The following FGF12 variants were observed in gnomAD, a reference collection of about 807,000 sequenced individuals.
FGF12 encodes fibroblast growth factor 12B.
Under a neutral mutation model 23.6 loss-of-function variants are expected in FGF12, and 14 were observed. That is an observed-to-expected ratio of 0.59 (90% confidence interval 0.39 to 0.93). FGF12 has a LOEUF of 0.93. Among genes scored for constraint, FGF12 ranks in the 40% least tolerant of loss-of-function variants. The probability of loss-of-function intolerance (pLI) is 0.00; values close to 1 mark genes in which losing one functional copy is unlikely to be tolerated. For synonymous variants in FGF12, 62 were observed against 77.3 expected, an observed-to-expected ratio of 0.80 and a Z score of 1.04; for missense variants, 175 against 217.8, an observed-to-expected ratio of 0.80 and a Z score of 1.24.
At chr3:192,305,537 A>C (rs1715577599) in intron 4 of FGF12, among the ~76,000 whole-genome samples, 1 of 151,818 alleles carries the variant, frequency 6.6e-6, no homozygotes, top group African/African-American at 2.4e-5. Context: ...TTCCAGACAC[A>C]CACCTCAGCC....
chr3:192,402,857 C>T (rs1720818548), intron 2 of FGF12, among the ~76,000 whole-genome samples: 2 of 152,296 alleles, frequency 1.3e-5, no homozygotes, highest in Admixed American at 6.5e-5. Context: ...CTTGGAATCA[C>T]AGCCCTTTAG....
intron 5 of FGF12, among the ~76,000 whole-genome samples, chr3:192,168,472 A>C (rs531903926): frequency 6.6e-6 from 1 of 152,292 alleles, no homozygotes; most frequent in South Asian, 2.1e-4. Context: ...GGTAAGTTTA[A>C]ATATTAGCTT....
chr3:192,400,376 T>TC (rs572500900), intron 2 of FGF12, among the ~76,000 whole-genome samples: 342 of 150,186 alleles, frequency 2.3e-3, no homozygotes, highest in African/African-American at 8.2e-3. Context: ...TTTCTTTTTT[T>TC]TTTTTTTTTT....
At chr3:192,624,799 C>A (rs184961090) in intron 2 of FGF12, among the ~76,000 whole-genome samples, 257 of 152,100 alleles carry the variant, frequency 1.7e-3, no homozygotes, top group Non-Finnish European at 1.3e-3. Flanking sequence ...AGTTTAAAAA[C>A]CGAAAGTGTA....
At chr3:192,289,167 G>T (rs1280308844) in intron 4 of FGF12, among the ~76,000 whole-genome samples, 1 of 152,140 alleles carries the variant, frequency 6.6e-6, no homozygotes, top group African/African-American at 2.4e-5. Flanking sequence ...AAATAGCTGA[G>T]CATCTTTCAT....
At chr3:192,234,625 C>T (rs752015692) in intron 4 of FGF12, among the ~76,000 whole-genome samples, 27 of 152,038 alleles carry the variant, frequency 1.8e-4, no homozygotes, top group Admixed American at 1.6e-3. Context: ...AGTTGTCAGG[C>T]GGAATGCTTC....
intron 2 of FGF12, among the ~76,000 whole-genome samples, chr3:192,538,906 C>G (rs757434358): frequency 1.3e-5 from 2 of 152,098 alleles, no homozygotes; most frequent in East Asian, 1.9e-4. Flanking sequence ...GTAGTTATTG[C>G]AAACGGGATT....
chr3:192,635,948 T>C (rs1715567054), intron 2 of FGF12, among the ~76,000 whole-genome samples: 1 of 152,156 alleles, frequency 6.6e-6, no homozygotes, highest in South Asian at 2.1e-4. Flanking sequence ...ATATGTTGTC[T>C]CAAGCACCTC....
At chr3:192,286,430 C>G (rs1254247794) in intron 4 of FGF12, among the ~76,000 whole-genome samples, 2 of 152,026 alleles carry the variant, frequency 1.3e-5, no homozygotes, top group South Asian at 2.1e-4. Context: ...GAATTTAAAG[C>G]AGCCAGAAAT....
At chr3:192,232,547 T>TTTATTTATTTATTTG (rs1719078834) in intron 4 of FGF12, among the ~76,000 whole-genome samples, 1 of 86,108 alleles carries the variant, frequency 1.2e-5, no homozygotes, top group South Asian at 5.2e-4. Flanking sequence ...TTATTTATTT[T>TTTATTTATTTATTTG]TCTTTTCCAC....
intron 2 of FGF12, among the ~76,000 whole-genome samples, chr3:192,698,863 G>C (rs74423230): frequency 0.014 from 2,084 of 152,284 alleles, 50 homozygotes; most frequent in African/African-American, 0.048. Context: ...AAATACCAGT[G>C]AGAAGACCTT....
intron 2 of FGF12, among the ~76,000 whole-genome samples, chr3:192,614,348 T>A (rs1489371084): frequency 6.6e-6 from 1 of 151,958 alleles, no homozygotes; most frequent in Non-Finnish European, 1.5e-5. Flanking sequence ...GTGAAGAGAA[T>A]AAAATTAGAG....
At chr3:192,198,801 A>G (rs1186302292) in intron 4 of FGF12, among the ~76,000 whole-genome samples, 1 of 152,232 alleles carries the variant, frequency 6.6e-6, no homozygotes, top group Non-Finnish European at 1.5e-5. Flanking sequence ...TCAACATGCT[A>G]GTGTCCACCA....
At chr3:192,438,006 G>A (rs115770446) in intron 2 of FGF12, among the ~76,000 whole-genome samples, 2,177 of 152,266 alleles carry the variant, frequency 0.014, 63 homozygotes, top group African/African-American at 0.05. Flanking sequence ...TTTCTATAGT[G>A]ATGAATCCAA....
chr3:192,249,520 T>A (rs9825263), intron 4 of FGF12, among the ~76,000 whole-genome samples: 63,550 of 151,894 alleles, frequency 0.42, 14,179 homozygotes, highest in East Asian at 0.94. Context: ...TGCAATATGG[T>A]GGCCTTAGGA....
intron 4 of FGF12, among the ~76,000 whole-genome samples, chr3:192,257,898 T>A (rs888130919): frequency 2.0e-5 from 3 of 151,994 alleles, no homozygotes; most frequent in African/African-American, 7.3e-5. Context: ...AGGGCTTGAC[T>A]TCTGAGAGGG....
At chr3:192,291,132 A>G (rs1714734641) in intron 4 of FGF12, among the ~76,000 whole-genome samples, 1 of 152,146 alleles carries the variant, frequency 6.6e-6, no homozygotes. Context: ...TTTTCTTATT[A>G]TCTTCTGGTG....
chr3:192,640,792 TTTTTTTG>T lies in FGF12; in HGVS notation c.13+86382_13+86388del, dbSNP rs1466241659. Among the ~76,000 whole-genome samples, 20 of 102,628 alleles carry T rather than the reference TTTTTTTG, an allele frequency of 1.9e-4. 1 individual carries two copies. Among genetic ancestry groups the T allele is most frequent in the South Asian group, 7.3e-4 (2 of 2,728 alleles). The allele number at this position is 102,628 out of a possible 152,430, so 67.3% of individuals were successfully genotyped here. On this transcript the variant is annotated intron_variant, in intron 2 of 5. Coordinates refer to ENST00000445105, the MANE Select transcript of FGF12 (RefSeq NM_004113.6). ...GTATAGGCTGAGAGTTAAAACCCCT[TTTTTTTG>T]TTTGTTTGTTTGTTTGTTTGTTTGT...
At chr3:192,240,297 C>G (rs989362466) in intron 4 of FGF12, among the ~76,000 whole-genome samples, 8 of 152,102 alleles carry the variant, frequency 5.3e-5, no homozygotes, top group African/African-American at 1.9e-4. Flanking sequence ...AATTGCCATT[C>G]AAGAAAAGAT....
Sources: gnomAD v4.1 joint callset for allele counts (sites outside exome capture counted in the v4.1 genomes callset) on GRCh38, gnomAD v4.1.1 for gene constraint, MANE v1.5 for transcripts, NCBI Gene and HGNC (gene_info 2026-07-23, HGNC 2026-07-21) for gene names.